The following TP53BP2 variants were observed in gnomAD, a reference collection of about 807,000 sequenced individuals.
The protein encoded by TP53BP2 is tumor protein p53 binding protein 2, also known as apoptosis-stimulating of p53 protein 2.
TP53BP2 carries 62 observed loss-of-function variants against 126.2 expected under a neutral mutation model. The ratio of observed to expected loss-of-function variants is 0.49; its 90% CI spans 0.40 to 0.61. TP53BP2 has a LOEUF of 0.61. Ranked by LOEUF, TP53BP2 falls within the 20% of genes least tolerant of loss-of-function variation. The pLI is 0.00. For missense variants in TP53BP2, 1,215 were observed against 1,402.8 expected (o/e 0.87, Z 2.14); for synonymous variants, 485 against 502.9 (o/e 0.96, Z 0.48).
At position 223,798,558 on chromosome 1, in the gene TP53BP2, A is replaced by T; in HGVS notation, c.1605T>A (p.Ser535Arg). 6.2e-7 allele frequency: 1 copy of T among 1,614,148 alleles called. No individual in the cohort carries two copies. The highest frequency in any genetic ancestry group is 8.5e-7 in the Non-Finnish European group (1 of 1,180,024). The change falls in exon 12 of 18, where the codon AGT becomes AGA. Residue 535 changes from serine (S) to arginine (R), a missense_variant. Physicochemically the swap from Ser to Arg is moderately radical, Grantham distance 110 (BLOSUM62 -1). Around this residue, in one of 4 missense-constraint regions of TP53BP2, gnomAD observed 814 missense variants for 853.0 expected, o/e 0.95. Coordinates refer to ENST00000343537, the MANE Select transcript of TP53BP2 (RefSeq NM_001031685.3). ...QPPSDIKPDG[S>R]SQQLSTVVPS... ...GAACAACTGTTGACAACTGCTGAGA[A>T]CTTCCGTCTGGCTTAATGTCTGAAG... is the stretch of plus-strand genomic sequence containing the variant.
At chr1:223,828,372 G>A (rs762329982) in intron 1 of TP53BP2, among the ~76,000 whole-genome samples, 13 of 152,124 alleles carry the variant, frequency 8.5e-5, no homozygotes, top group Non-Finnish European at 1.9e-4. Context: ...TGAATTTTTA[G>A]GAACTTATCT....
chr1:223,793,765 G>A (rs1004691726), intron 13 of TP53BP2, among the ~76,000 whole-genome samples: 5 of 152,128 alleles, frequency 3.3e-5, no homozygotes, highest in Admixed American at 6.6e-5. Flanking sequence ...ATAGGCTAGC[G>A]TTCTGTCAAG....
chr1:223,800,146 GTCCACAAAGCACGT>G lies in TP53BP2; in HGVS notation c.1337-113_1337-100del, dbSNP rs566272194. ...CCCCTAAATCTCCCTGAAAATCTGTGTCCACAAAGCACGTTCCTATTTTTTAATTAAACTAATAA... is the reference window on the plus strand; with the variant it reads ...CCCCTAAATCTCCCTGAAAATCTGTGTCCTATTTTTTAATTAAACTAATAA... On this transcript the variant is annotated intron_variant, in intron 10 of 17. Coordinates refer to ENST00000343537, the MANE Select transcript of TP53BP2 (RefSeq NM_001031685.3). 5.2e-5 allele frequency: 67 copies of G among 1,282,644 alleles called. 1 individual carries two copies. In the African/African-American group the frequency reaches 9.6e-4, roughly 18 times the overall value. The allele number at this position is 1,282,644 out of a possible 1,614,324, so 79.5% of individuals were successfully genotyped here. A position where few individuals can be genotyped will look rare whatever the true frequency, so the allele number is the denominator to read the frequency against.
At chr1:223,798,767 T>C in intron 11 of TP53BP2, 90 bp from the exon 12 acceptor site, 1 of 1,130,158 alleles carries the variant, frequency 8.8e-7, no homozygotes, top group Non-Finnish European at 1.3e-6. Context: ...AATGTAAATA[T>C]ACACTATAAA....
intron 5 of TP53BP2, among the ~76,000 whole-genome samples, 196 bp downstream of exon 5, chr1:223,806,650 C>T (rs759308956): frequency 3.9e-5 from 6 of 152,028 alleles, no homozygotes; most frequent in African/African-American, 7.2e-5. Flanking sequence ...ATGGTGAAAC[C>T]CCATCTCTAC....
intron 5 of TP53BP2, among the ~76,000 whole-genome samples, 147 bp downstream of exon 5, chr1:223,806,674 TTTAGCCAGGTGTGGTGGCGTCTGCC>T (rs1381846094): frequency 6.6e-6 from 1 of 151,904 alleles, no homozygotes; most frequent in Non-Finnish European, 1.5e-5. Context: ...ACATACAAAA[TTTAGCCAGGTGTGGTGGCGTCTGCC>T]TGTAATCCCA....
intron 11 of TP53BP2, among the ~76,000 whole-genome samples, chr1:223,799,025 T>C (rs1266284509): frequency 2.0e-5 from 3 of 152,350 alleles, no homozygotes; most frequent in South Asian, 4.1e-4. Context: ...TGAGCTAAGA[T>C]TGCACCACTG....
chr1:223,798,839 A>G (rs1662430803), intron 11 of TP53BP2, among the ~76,000 whole-genome samples, 162 bp from the exon 12 acceptor site: 1 of 151,988 alleles, frequency 6.6e-6, no homozygotes, highest in Non-Finnish European at 1.5e-5. Flanking sequence ...TGGGAGGCCA[A>G]AGCAGGCGGA....
rs1352456050 is a variant in TP53BP2, at chr1:223,799,841, T to TA, written c.1485+57dup. On this transcript the variant is annotated intron_variant, in intron 11 of 17. Coordinates refer to ENST00000343537, the MANE Select transcript of TP53BP2 (RefSeq NM_001031685.3). ...CCCTCACACAATACTTTATCCCTTCTAAAAACTGCATTATAGAATTACTAT... is the reference window on the plus strand; with the variant it reads ...CCCTCACACAATACTTTATCCCTTCTAAAAAACTGCATTATAGAATTACTAT... 8 of 1,491,460 alleles carry TA rather than the reference T, an allele frequency of 5.4e-6. No individual in the cohort carries two copies. The Middle Eastern group carries it at 5.4e-4, about 101-fold the overall frequency. 92.4% of individuals were successfully genotyped at this position (1,491,460 alleles called of 1,614,324 possible).
chr1:223,807,613 TAA>T (rs36017111), intron 4 of TP53BP2, among the ~76,000 whole-genome samples: 34 of 145,138 alleles, frequency 2.3e-4, no homozygotes, highest in Non-Finnish European at 9.1e-5. Flanking sequence ...ACTGCAGGAT[TAA>T]AAAAAAAAAA....
At chr1:223,782,510 T>A (rs74737761) in intron 17 of TP53BP2, among the ~76,000 whole-genome samples, 1 of 152,194 alleles carries the variant, frequency 6.6e-6, no homozygotes, top group African/African-American at 2.4e-5. Context: ...AGCTTTTTTT[T>A]AAGACAGGGT....
At position 223,799,065 on chromosome 1, in the gene TP53BP2, C is replaced by T. The variant is rs182203072; in HGVS notation, c.1486-388G>A. Among the ~76,000 whole-genome samples the T allele has an allele frequency of 4.6e-5, 7 of 152,280 alleles. 1 individual carries two copies. The highest frequency in any genetic ancestry group is 4.6e-4 in the Admixed American group (7 of 15,304). ...CCAGCCTGGGCAACAGAACAAGACT[C>T]CATCTCGGAAAATATATCTATATAA... On this transcript the variant is annotated intron_variant, in intron 11 of 17. Transcript: ENST00000343537.
intron 3 of TP53BP2, among the ~76,000 whole-genome samples, chr1:223,813,424 C>T (rs1346818389): frequency 6.6e-6 from 1 of 152,168 alleles, no homozygotes; most frequent in Non-Finnish European, 1.5e-5. Flanking sequence ...TTTCCTCTCA[C>T]ACCTGTTCTT....
rs754222816 is a variant in TP53BP2, at chr1:223,798,542, T to C, written c.1621A>G (p.Thr541Ala). The change falls in exon 12 of 18, where the codon ACA becomes GCA. Residue 541 changes from threonine (T) to alanine (A), a missense_variant. Physicochemically the swap from Thr to Ala is moderately conservative, Grantham distance 58. Transcript: ENST00000343537. ...TTAGTTCCCATGGACGGAACAACTG[T>C]TGACAACTGCTGAGAACTTCCGTCT... ...KPDGSSQQLS[T>A]VVPSMGTKPK... 5 of 1,614,094 alleles carry C rather than the reference T, an allele frequency of 3.1e-6. No homozygotes were observed. The highest frequency in any genetic ancestry group is 3.3e-5 in the Admixed American group (2 of 60,004).
chr1:223,794,771 T>G (rs1239580131), intron 13 of TP53BP2, among the ~76,000 whole-genome samples: 1 of 152,212 alleles, frequency 6.6e-6, no homozygotes, highest in Admixed American at 6.5e-5. Context: ...TTAACCTCTA[T>G]TTTAAAACTT....
intron 16 of TP53BP2, among the ~76,000 whole-genome samples, chr1:223,784,563 C>T (rs1661884719): frequency 1.3e-5 from 2 of 152,126 alleles, no homozygotes; most frequent in South Asian, 4.1e-4. Flanking sequence ...AAACCTAGCA[C>T]TTTATAAGCA....
chr1:223,830,656 A>G (rs989916791), intron 1 of TP53BP2, among the ~76,000 whole-genome samples: 1 of 152,232 alleles, frequency 6.6e-6, no homozygotes, highest in South Asian at 2.1e-4. Context: ...AAAAGTCTTT[A>G]AACAGGGAAA....
At chr1:223,799,499 G>A (rs754450800) in intron 11 of TP53BP2, among the ~76,000 whole-genome samples, 42 of 152,134 alleles carry the variant, frequency 2.8e-4, no homozygotes, top group Non-Finnish European at 4.1e-4. Flanking sequence ...CTAGACAACT[G>A]TAATAAAACA....
At chr1:223,819,960 C>T (rs1206471592) in intron 2 of TP53BP2, among the ~76,000 whole-genome samples, 3 of 152,122 alleles carry the variant, frequency 2.0e-5, no homozygotes, top group Admixed American at 2.0e-4. Context: ...ATAAAAGGAG[C>T]AATAAACTAA....
Sources: gnomAD v4.1 joint callset for allele counts (sites outside exome capture counted in the v4.1 genomes callset) on GRCh38, gnomAD v4.1.1 for gene constraint, gnomAD v4.1.1 regional missense constraint, MANE v1.5 for transcripts, NCBI Gene and HGNC (gene_info 2026-07-23, HGNC 2026-07-21) for gene names.